HPCAL1: variants seen among roughly 807,000 people sequenced by gnomAD.
HPCAL1 encodes hippocalcin like 1.
HPCAL1 carries 8 observed loss-of-function variants against 17.1 expected under a neutral mutation model. The observed-to-expected ratio is 0.47, with a 90% CI of 0.27 to 0.84. HPCAL1 has a LOEUF of 0.84. Among genes scored for constraint, HPCAL1 ranks in the 40% least tolerant of loss-of-function variants. The probability of loss-of-function intolerance (pLI) is 0.13; values close to 1 mark genes in which losing one functional copy is unlikely to be tolerated. For synonymous variants in HPCAL1, 112 were observed against 111.4 expected (o/e 1.01, Z -0.03); for missense variants, 165 against 271.1 (o/e 0.61, Z 2.75).
At chr2:10,361,842 G>A (rs1176481512) in intron 1 of HPCAL1, among the ~76,000 whole-genome samples, 1 of 151,574 alleles carries the variant, frequency 6.6e-6, no homozygotes, top group Non-Finnish European at 1.5e-5. Flanking sequence ...TCGGCTTCCT[G>A]AGTAGCTGGG....
rs2125559310 is a variant in HPCAL1 at position 10,389,781 on chromosome 2, G to A, written c.-110-7054G>A. Reference sequence around the variant, plus strand: ...CTGTACTCCAGTTTCTCTGCCCGTGGAATGTACATGGATGTTTGGATAGTT... The same window carrying A: ...CTGTACTCCAGTTTCTCTGCCCGTGAAATGTACATGGATGTTTGGATAGTT... On this transcript the variant is annotated intron_variant, in intron 1 of 4. Transcript: ENST00000307845. 1.3e-5 allele frequency among the ~76,000 whole-genome samples: 2 copies of A among 152,316 alleles called. 1 individual carries two copies. Among genetic ancestry groups the A allele is most frequent in the South Asian group, 4.1e-4 (2 of 4,824 alleles).
chr2:10,320,310 G>A (rs149478962), intron 1 of HPCAL1, among the ~76,000 whole-genome samples: 1,701 of 152,302 alleles, frequency 0.011, 33 homozygotes, highest in African/African-American at 0.039. Context: ...AATCTCCAGT[G>A]TTGGAGGAGG....
chr2:10,411,819 G>A (rs1032992963), intron 2 of HPCAL1, among the ~76,000 whole-genome samples: 2 of 152,212 alleles, frequency 1.3e-5, no homozygotes, highest in Non-Finnish European at 2.9e-5. Flanking sequence ...CCGGCTGGCT[G>A]CCCGCTTGCT....
In HPCAL1 at chr2:10,377,075, G is replaced by T. The variant is rs1224684731; in HGVS notation, c.-110-19760G>T. Among the ~76,000 whole-genome samples the T allele has an allele frequency of 6.6e-6, 1 of 152,050 alleles. No homozygotes were observed. Among genetic ancestry groups the T allele is most frequent in the Non-Finnish European group, 1.5e-5 (1 of 68,008 alleles). ...GTATTAATCAGATATGTTGTCCTGT[G>T]TTATTAAAATCATCCCTTGTGGCCC... On this transcript the variant is annotated intron_variant, in intron 1 of 4. Transcript: ENST00000307845. The surrounding 1 kb of genome is among the most constrained non-coding windows in gnomAD (Gnocchi z 5.9).
chr2:10,311,553 A>C (rs940091160), intron 1 of HPCAL1, among the ~76,000 whole-genome samples: 4 of 152,110 alleles, frequency 2.6e-5, no homozygotes, highest in African/African-American at 4.8e-5. Flanking sequence ...GATTATTCTC[A>C]GAGCTCATTG....
At chr2:10,392,884 C>CGT (rs1239780610) in intron 1 of HPCAL1, among the ~76,000 whole-genome samples, 1 of 152,178 alleles carries the variant, frequency 6.6e-6, no homozygotes, top group Non-Finnish European at 1.5e-5. Context: ...CCAGGAAAAG[C>CGT]GTGTGTGTGA....
chr2:10,398,472 G>A (rs1383207869), intron 2 of HPCAL1, among the ~76,000 whole-genome samples: 1 of 152,206 alleles, frequency 6.6e-6, no homozygotes, highest in Non-Finnish European at 1.5e-5. Context: ...CTTAATTTCA[G>A]TGTTCATGAT....
chr2:10,303,353 G>A (rs980119050), intron 1 of HPCAL1, among the ~76,000 whole-genome samples, 176 bp downstream of exon 1: 9 of 152,210 alleles, frequency 5.9e-5, no homozygotes, highest in African/African-American at 2.2e-4. Context: ...GGTGACTGCG[G>A]ACGGTGGTGT....
intron 1 of HPCAL1, among the ~76,000 whole-genome samples, chr2:10,339,500 T>C (rs1161937384): frequency 6.6e-6 from 1 of 152,158 alleles, no homozygotes; most frequent in African/African-American, 2.4e-5. Context: ...AGACGGGATT[T>C]CATGCCTGAT....
At chr2:10,351,069 A>G (rs1475320351) in intron 1 of HPCAL1, among the ~76,000 whole-genome samples, 1 of 152,242 alleles carries the variant, frequency 6.6e-6, no homozygotes, top group African/African-American at 2.4e-5. Context: ...ACTCCTAGGC[A>G]TATAAGAATG....
At position 10,410,436 on chromosome 2, in the gene HPCAL1, C is replaced by CTTTTTTT. The variant is rs36002921; in HGVS notation, c.-24-9279_-24-9273dup. Among the ~76,000 whole-genome samples, 409 of 77,416 alleles carry CTTTTTTT rather than the reference C, an allele frequency of 5.3e-3. 12 individuals carry two copies. Among genetic ancestry groups the CTTTTTTT allele is most frequent in the South Asian group, 8.4e-3 (14 of 1,674 alleles). The allele number at this position is 77,416 out of a possible 152,430, so 50.8% of individuals were successfully genotyped here. The stretch of plus-strand genomic sequence containing the variant: ...CCTTGTTCCTCTTTTTCTTCTTCTT[C>CTTTTTTT]TTTTTTTTTTTTTTTTTTTTTTTTT... On this transcript the variant is annotated intron_variant, in intron 2 of 4. Transcript: ENST00000307845.
chr2:10,371,909 C>T lies in HPCAL1; in HGVS notation c.-110-24926C>T, dbSNP rs75566685. 2.2e-4 allele frequency among the ~76,000 whole-genome samples: 34 copies of T among 152,332 alleles called. No individual in the cohort carries two copies. In the East Asian group the frequency reaches 6.4e-3, roughly 29 times the overall value. ...CAGGTCAGGGCTTGGCTCTGTGCTG[C>T]AGCCTTAAGCCAGCGGGCCCAACCG... is the stretch of plus-strand genomic sequence containing the variant. On this transcript the variant is annotated intron_variant, in intron 1 of 4. Transcript: ENST00000307845.
rs542508649 is a variant in HPCAL1, at chr2:10,359,344, C to T, written c.-110-37491C>T. ...CTGGCATGGGTTAGTGGCTCCGTGT[C>T]ACCTGGTTCCTCTCACCTCTGTTTT... On this transcript the variant is annotated intron_variant, in intron 1 of 4. Transcript: ENST00000307845. This position sits in a 1 kb window ranked among gnomAD's most constrained non-coding sequence, Gnocchi z 4.1. Among the ~76,000 whole-genome samples, 4 of 152,280 alleles carry T rather than the reference C, an allele frequency of 2.6e-5. No homozygotes were observed. The highest frequency in any genetic ancestry group is 9.6e-5 in the African/African-American group (4 of 41,568).
chr2:10,334,695 C>CT lies in HPCAL1; in HGVS notation c.-111+31526dup, dbSNP rs553228833. On this transcript the variant is annotated intron_variant, in intron 1 of 4. Transcript: ENST00000307845. ...TAACTGCTGTATACAATTCCATTGACTTTTTTTTGAGGCAGGGTCTCGCTC... is the reference window on the plus strand; with the variant it reads ...TAACTGCTGTATACAATTCCATTGACTTTTTTTTTGAGGCAGGGTCTCGCTC... Among the ~76,000 whole-genome samples the CT allele has an allele frequency of 2.4e-3, 348 of 146,430 alleles. 8 individuals carry two copies. The highest frequency in any genetic ancestry group is 8.5e-3 in the African/African-American group (330 of 39,040).
In HPCAL1 at chr2:10,336,639, C is replaced by G. The variant is rs146973767; in HGVS notation, c.-111+33462C>G. ...ATCACCTGTTGGTTGTGGCTCTGCT[C>G]TATGACGTTGTCCCTCAGGGAGCCA... On this transcript the variant is annotated intron_variant, in intron 1 of 4. Coordinates refer to ENST00000307845, the MANE Select transcript of HPCAL1 (RefSeq NM_002149.4). 8.5e-3 allele frequency among the ~76,000 whole-genome samples: 1,295 copies of G among 152,370 alleles called. 22 individuals carry two copies. Among genetic ancestry groups the G allele is most frequent in the African/African-American group, 0.03 (1,263 of 41,580 alleles).
At position 10,342,201 on chromosome 2, in the gene HPCAL1, C is replaced by T. The variant is rs376838120; in HGVS notation, c.-111+39024C>T. Among the ~76,000 whole-genome samples the T allele has an allele frequency of 3.7e-4, 57 of 152,170 alleles. 1 individual carries two copies. Among genetic ancestry groups the T allele is most frequent in the African/African-American group, 1.3e-3 (55 of 41,518 alleles). On this transcript the variant is annotated intron_variant, in intron 1 of 4. Transcript: ENST00000307845. This position sits in a 1 kb window ranked among gnomAD's most constrained non-coding sequence, Gnocchi z 4.1. ...ATAATAATAATAATAAAGCTTTGCT[C>T]CCCGTTTCATTTAGATGGAGCGTTT... is the stretch of plus-strand genomic sequence containing the variant.
rs1381621572 is a variant in HPCAL1 at position 10,345,749 on chromosome 2, A to G, written c.-111+42572A>G. 2.0e-5 allele frequency among the ~76,000 whole-genome samples: 3 copies of G among 152,114 alleles called. No homozygotes were observed. In the East Asian group the frequency reaches 5.8e-4, roughly 29 times the overall value. ...TAGGATTATAGGCATAAGCCACTGCACCCATCCAGAAAAACTTTTAAAAAT... is the reference window on the plus strand; with the variant it reads ...TAGGATTATAGGCATAAGCCACTGCGCCCATCCAGAAAAACTTTTAAAAAT... On this transcript the variant is annotated intron_variant, in intron 1 of 4. Transcript: ENST00000307845.
intron 1 of HPCAL1, among the ~76,000 whole-genome samples, chr2:10,391,415 T>C (rs1668688395): frequency 2.0e-5 from 3 of 152,244 alleles, no homozygotes; most frequent in African/African-American, 7.2e-5. Flanking sequence ...AGATTCCTTT[T>C]TATTATTTTT....
chr2:10,307,320 C>G (rs571966790), intron 1 of HPCAL1, among the ~76,000 whole-genome samples: 30 of 152,336 alleles, frequency 2.0e-4, no homozygotes, highest in African/African-American at 7.2e-4. Flanking sequence ...TTAAATCTTT[C>G]CTTGCTCTGT....
Sources: allele counts gnomAD v4.1 joint callset (sites outside exome capture counted in the v4.1 genomes callset), GRCh38; gene constraint gnomAD v4.1.1; non-coding constraint Gnocchi (gnomAD v3.1); transcripts MANE v1.5; gene names NCBI Gene and HGNC (gene_info 2026-07-23, HGNC 2026-07-21).